The following PREP variants were observed in gnomAD, a reference collection of about 807,000 sequenced individuals.
PREP encodes the protein dJ355L5.1 (prolyl endopeptidase).
PREP carries 29 observed loss-of-function variants against 87.6 expected under a neutral mutation model. The ratio of observed to expected loss-of-function variants is 0.33; its 90% CI spans 0.25 to 0.45. The LOEUF is 0.45. Among genes scored for constraint, PREP ranks in the 20% least tolerant of loss-of-function variants. PREP has a pLI of 1.00. For synonymous variants in PREP, 337 were observed against 328.6 expected, an observed-to-expected ratio of 1.03 and a Z score of -0.28; for missense variants, 695 against 886.5, an observed-to-expected ratio of 0.78 and a Z score of 2.74.
At chr6:105,386,650 AT>A (rs1353334604) in intron 2 of PREP, among the ~76,000 whole-genome samples, 3 of 152,224 alleles carry the variant, frequency 2.0e-5, no homozygotes, top group East Asian at 1.9e-4. Context: ...CCTAAAAAAA[AT>A]GAAAGGTATT....
intron 10 of PREP, among the ~76,000 whole-genome samples, chr6:105,306,750 C>T (rs576606006): frequency 6.6e-6 from 1 of 152,144 alleles, no homozygotes; most frequent in African/African-American, 2.4e-5. Context: ...CCACCACCAC[C>T]ATCCCCGCCC....
At chr6:105,335,029 G>C (rs1030502843) in intron 7 of PREP, among the ~76,000 whole-genome samples, 4 of 152,146 alleles carry the variant, frequency 2.6e-5, no homozygotes, top group African/African-American at 9.7e-5. Flanking sequence ...GCATAAAAGG[G>C]ACATTTTCCA....
intron 2 of PREP, among the ~76,000 whole-genome samples, chr6:105,381,380 T>C (rs1295407779): frequency 2.0e-5 from 3 of 152,142 alleles, no homozygotes; most frequent in Non-Finnish European, 4.4e-5. Flanking sequence ...TGGTCATTTA[T>C]GTATTTAACA....
chr6:105,279,438 G>C (rs1027929892), intron 14 of PREP, among the ~76,000 whole-genome samples: 1 of 152,184 alleles, frequency 6.6e-6, no homozygotes, highest in African/African-American at 2.4e-5. Flanking sequence ...AAAGAAACAA[G>C]TTTGGAAAAC....
chr6:105,402,559 A>G (rs897805088), intron 1 of PREP, among the ~76,000 whole-genome samples: 1 of 152,160 alleles, frequency 6.6e-6, no homozygotes, highest in Non-Finnish European at 1.5e-5. Flanking sequence ...CCCTGAAGAC[A>G]CCCATTCTAC....
At chr6:105,374,632 TTATATATATATATATA>T (rs61452752) in intron 4 of PREP, among the ~76,000 whole-genome samples, 2,909 of 90,616 alleles carry the variant, frequency 0.032, 150 homozygotes, top group Admixed American at 0.057. Context: ...TTTGAATTGT[TTATATATATATATATA>T]TATATATATA....
intron 10 of PREP, among the ~76,000 whole-genome samples, chr6:105,314,038 A>C (rs1189926): frequency 0.054 from 8,252 of 152,292 alleles, 758 homozygotes; most frequent in African/African-American, 0.18. Flanking sequence ...ATCAAAAAAG[A>C]AGAAAGTCAC....
intron 2 of PREP, among the ~76,000 whole-genome samples, chr6:105,396,856 C>T (rs1773297306): frequency 6.6e-6 from 1 of 151,866 alleles, no homozygotes; most frequent in Non-Finnish European, 1.5e-5. Context: ...AACACTATTC[C>T]CCCAACCAAG....
chr6:105,370,214 C>G (rs781735534), intron 5 of PREP, among the ~76,000 whole-genome samples: 1 of 149,486 alleles, frequency 6.7e-6, no homozygotes, highest in Non-Finnish European at 1.5e-5. Flanking sequence ...TACGCCACTG[C>G]ACTCCAGCCT....
At chr6:105,345,417 T>C (rs1348841989) in intron 7 of PREP, among the ~76,000 whole-genome samples, 2 of 152,204 alleles carry the variant, frequency 1.3e-5, no homozygotes, top group Non-Finnish European at 2.9e-5. Flanking sequence ...GATTCATTTA[T>C]TGAGTGAAGA....
intron 10 of PREP, among the ~76,000 whole-genome samples, chr6:105,310,366 G>A (rs762493542): frequency 3.3e-5 from 5 of 152,134 alleles, no homozygotes; most frequent in Non-Finnish European, 7.4e-5. Flanking sequence ...TGTGATAAGA[G>A]CGTCTATCTC....
At chr6:105,296,485 A>T (rs191123124) in intron 10 of PREP, among the ~76,000 whole-genome samples, 1 of 152,012 alleles carries the variant, frequency 6.6e-6, no homozygotes, top group Non-Finnish European at 1.5e-5. Flanking sequence ...CCTCTCTTAT[A>T]AAACATTCTC....
chr6:105,323,908 C>T (rs763567859), intron 9 of PREP, 140 bp from the exon 10 acceptor site: 11 of 713,244 alleles, frequency 1.5e-5, no homozygotes, highest in Admixed American at 2.2e-5. Flanking sequence ...CCACCACAGT[C>T]GAAGGCTCAC....
intron 6 of PREP, among the ~76,000 whole-genome samples, chr6:105,367,628 C>CG (rs1426779227): frequency 2.0e-5 from 3 of 149,952 alleles, no homozygotes; most frequent in Non-Finnish European, 3.0e-5. Flanking sequence ...GCCGAGATCC[C>CG]GCCACTGCGC....
chr6:105,379,642 C>A (rs780018162), intron 2 of PREP, among the ~76,000 whole-genome samples: 2 of 152,174 alleles, frequency 1.3e-5, no homozygotes, highest in Non-Finnish European at 2.9e-5. Context: ...AGAAGGAAGA[C>A]GCAACCTGGG....
intron 2 of PREP, among the ~76,000 whole-genome samples, chr6:105,396,523 G>T (rs545003881): frequency 6.6e-6 from 1 of 152,144 alleles, no homozygotes; most frequent in African/African-American, 2.4e-5. Flanking sequence ...TCCCAGTGGG[G>T]AGATGGGCAA....
Position 105,277,911 on chromosome 6 carries a change from A to C in PREP, c.*233T>G, listed in dbSNP as rs954862559. 3.6e-4 allele frequency: 209 copies of C among 582,580 alleles called. No homozygotes were observed. The highest frequency in any genetic ancestry group is 4.8e-4 in the Non-Finnish European group (162 of 338,552). 36.1% of individuals were successfully genotyped at this position (582,580 alleles called of 1,614,324 possible). On this transcript the variant is annotated 3_prime_UTR_variant, in exon 15 of 15. Coordinates refer to ENST00000652536, the MANE Select transcript of PREP (RefSeq NM_002726.5). ...TTATCCCAACATGCCCTTAAAAAAA[A>C]CACCAAAAAACCACATGTGCCTAGA...
chr6:105,369,082 C>A (rs1222999853), intron 5 of PREP, 58 bp from the exon 6 acceptor site: 24 of 1,576,660 alleles, frequency 1.5e-5, no homozygotes, highest in Non-Finnish European at 4.4e-6. Context: ...AAAATCAATT[C>A]CACCCATATT....
At chr6:105,333,542 T>C (rs1168306791) in intron 7 of PREP, 37 bp from the exon 8 acceptor site, 1 of 1,599,504 alleles carries the variant, frequency 6.3e-7, no homozygotes, top group Non-Finnish European at 8.6e-7. Flanking sequence ...ATCTCTCTAA[T>C]GTTTAAAAAT....
Sources: allele counts gnomAD v4.1 joint callset (sites outside exome capture counted in the v4.1 genomes callset), GRCh38; gene constraint gnomAD v4.1.1; transcripts MANE v1.5; gene names NCBI Gene and HGNC (gene_info 2026-07-23, HGNC 2026-07-21).